The following SAMD5 variants were observed in gnomAD, a reference collection of about 807,000 sequenced individuals.
SAMD5 encodes sterile alpha motif domain containing 5, also known as sterile alpha motif domain-containing protein 5.
In SAMD5, 13 loss-of-function variants were observed where a neutral mutation model predicts 11.3. That is an observed-to-expected ratio of 1.15 (90% CI 0.75 to 1.83). SAMD5 has a LOEUF of 1.83. Among genes scored for constraint, SAMD5 ranks in the 40% most tolerant of loss-of-function variants. The pLI is 0.00. For missense variants in SAMD5, 255 were observed against 239.1 expected, an observed-to-expected ratio of 1.07 and a Z score of -0.44; for synonymous variants, 129 against 111.3, an observed-to-expected ratio of 1.16 and a Z score of -1.00.
rs1789053918 is a variant in SAMD5 at position 147,567,101 on chromosome 6, G to A, written c.*2645G>A. 6 of 981,100 alleles carry A rather than the reference G, an allele frequency of 6.1e-6. No individual in the cohort carries two copies. In the South Asian group the frequency reaches 2.8e-4, roughly 46 times the overall value. 60.8% of individuals were successfully genotyped at this position (981,100 alleles called of 1,614,324 possible). A position where few individuals can be genotyped will look rare whatever the true frequency, so the allele number is the denominator to read the frequency against. On this transcript the variant is annotated 3_prime_UTR_variant, in exon 2 of 2. Transcript: ENST00000367474. Reference sequence around the variant, plus strand: ...ATATTGAGGAGTCTGGAGGGTCATAGCAAAATTTTCTTTAGTTCATCTTAA... The same window carrying A: ...ATATTGAGGAGTCTGGAGGGTCATAACAAAATTTTCTTTAGTTCATCTTAA...
At chr6:147,636,197 G>A (rs1238553065) in intron 1 of SAMD5, among the ~76,000 whole-genome samples, 1 of 152,170 alleles carries the variant, frequency 6.6e-6, no homozygotes, top group African/African-American at 2.4e-5. Flanking sequence ...GCAGGCCACT[G>A]TATCTATGCT....
chr6:147,554,731 C>A lies in SAMD5; in HGVS notation c.460-9663C>A, dbSNP rs74977137. 2.8e-3 allele frequency among the ~76,000 whole-genome samples: 429 copies of A among 152,196 alleles called. 1 individual carries two copies. Among genetic ancestry groups the A allele is most frequent in the African/African-American group, 9.8e-3 (409 of 41,536 alleles). ...GAGAGCCAGAAGGGTGAATGTGGAG[C>A]GATTGCTAGGATGGAGCTATCATTT... On this transcript the variant is annotated intron_variant, in intron 1 of 1. Transcript: ENST00000367474.
downstream of SAMD5, among the ~76,000 whole-genome samples, chr6:147,574,534 G>A (rs1294688693): frequency 1.3e-5 from 2 of 152,218 alleles, no homozygotes; most frequent in Non-Finnish European, 2.9e-5. Context: ...GAGGGTTGAG[G>A]AGACCAGATG....
chr6:147,812,255 G>T, the SAMD5 span, among the ~76,000 whole-genome samples: 1 of 152,184 alleles, frequency 6.6e-6, no homozygotes, highest in African/African-American at 2.4e-5. Flanking sequence ...AGGAATGAAT[G>T]TTGGAGGAAA....
At position 147,711,878 on chromosome 6, in the gene SAMD5, C is replaced by CTA. The variant is rs1791405671; in HGVS notation, c.163-25437_163-25436dup. On this transcript the variant is annotated intron_variant, in intron 1 of 1. Coordinates refer to the SAMD5 transcript ENST00000566741. The surrounding 1 kb of genome is among the most constrained non-coding windows in gnomAD (Gnocchi z 4.1). ...GCTAATTGCTTGCCAATCGAAAGCC[C>CTA]TATTTACATAAACACCAGGGGCCCA... Among the ~76,000 whole-genome samples, 1 of 152,120 alleles carries CTA rather than the reference C, an allele frequency of 6.6e-6. No individual in the cohort carries two copies. The highest frequency in any genetic ancestry group is 2.4e-5 in the African/African-American group (1 of 41,418).
rs1789102335 is a variant in SAMD5, at chr6:147,569,486, A to G, written c.*5030A>G. On this transcript the variant is annotated 3_prime_UTR_variant, in exon 2 of 2. Coordinates refer to ENST00000367474, the MANE Select transcript of SAMD5 (RefSeq NM_001030060.3). The stretch of plus-strand genomic sequence containing the variant: ...AATCTACAATAAATCTACTTTCTAA[A>G]TATTATTTAAGATGGGAAATGTCTT... 4 of 900,626 alleles carry G rather than the reference A, an allele frequency of 4.4e-6. No individual in the cohort carries two copies. Among genetic ancestry groups the G allele is most frequent in the East Asian group, 1.2e-4 (1 of 8,408 alleles). 55.8% of individuals were successfully genotyped at this position (900,626 alleles called of 1,614,324 possible). A position where few individuals can be genotyped will look rare whatever the true frequency, so the allele number is the denominator to read the frequency against.
intron 1 of SAMD5, among the ~76,000 whole-genome samples, chr6:147,620,326 CT>C (rs1258238532): frequency 2.0e-5 from 3 of 152,216 alleles, no homozygotes; most frequent in African/African-American, 7.2e-5. Context: ...TGGCCCCAGC[CT>C]TACTCCCGTA....
At chr6:147,691,115 C>T (rs898379234) in intron 1 of SAMD5, among the ~76,000 whole-genome samples, 2 of 152,146 alleles carry the variant, frequency 1.3e-5, no homozygotes, top group Non-Finnish European at 2.9e-5. Flanking sequence ...CTGCCTCAGC[C>T]TCCTGAGTAG....
At chr6:147,527,705 G>C (rs911480167) in intron 1 of SAMD5, among the ~76,000 whole-genome samples, 3 of 152,134 alleles carry the variant, frequency 2.0e-5, no homozygotes, top group African/African-American at 4.8e-5. Flanking sequence ...TCTCAGACAA[G>C]GCTAGTCCCT....
intron 1 of SAMD5, among the ~76,000 whole-genome samples, chr6:147,541,559 CAG>C (rs920659967): frequency 6.6e-6 from 1 of 152,112 alleles, no homozygotes; most frequent in African/African-American, 2.4e-5. Context: ...GATAGTTACC[CAG>C]AGAGACAGGC....
chr6:147,843,144 G>A, the SAMD5 span, among the ~76,000 whole-genome samples: 4 of 152,156 alleles, frequency 2.6e-5, no homozygotes, highest in African/African-American at 4.8e-5. Flanking sequence ...GATTACAGGC[G>A]TGAGCCACTG....
At chr6:147,907,187 G>T in the SAMD5 span, among the ~76,000 whole-genome samples, 1 of 152,182 alleles carries the variant, frequency 6.6e-6, no homozygotes, top group Non-Finnish European at 1.5e-5. Context: ...CAATTGAGGT[G>T]GTTTCCCACT....
chr6:147,782,083 C>A, the SAMD5 span, among the ~76,000 whole-genome samples: 2 of 151,452 alleles, frequency 1.3e-5, no homozygotes, highest in East Asian at 3.9e-4. Flanking sequence ...GCAATACATT[C>A]CAGTTTAACC....
chr6:147,574,204 TA>T (rs567769286), downstream of SAMD5, among the ~76,000 whole-genome samples: 1,445 of 149,026 alleles, frequency 9.7e-3, 15 homozygotes, highest in Middle Eastern at 0.028. Flanking sequence ...TTGCCAACAC[TA>T]AAAAAAAAAT....
intron 1 of SAMD5, among the ~76,000 whole-genome samples, chr6:147,640,047 G>C (rs73587497): frequency 0.034 from 5,153 of 152,222 alleles, 304 homozygotes; most frequent in African/African-American, 0.12. Context: ...AAGAATGACG[G>C]CTGGGCGCGG....
the SAMD5 span, among the ~76,000 whole-genome samples, chr6:147,789,242 A>G: frequency 3.3e-5 from 5 of 151,638 alleles, no homozygotes; most frequent in African/African-American, 9.7e-5. Context: ...ACTGAACTGC[A>G]GCCTGGACGA....
At chr6:147,578,838 C>T (rs1789255340) in intron 1 of SAMD5, among the ~76,000 whole-genome samples, 1 of 151,526 alleles carries the variant, frequency 6.6e-6, no homozygotes, top group East Asian at 1.9e-4. Flanking sequence ...ATGAAACACA[C>T]TGCTTCAAAG....
At chr6:147,872,051 T>G in the SAMD5 span, among the ~76,000 whole-genome samples, 32 of 152,330 alleles carry the variant, frequency 2.1e-4, no homozygotes, top group African/African-American at 7.0e-4. Context: ...ATTTCTCCAG[T>G]TTGCAACAAC....
chr6:147,626,700 T>C (rs1006078294), intron 1 of SAMD5, among the ~76,000 whole-genome samples: 1 of 147,126 alleles, frequency 6.8e-6, no homozygotes, highest in Middle Eastern at 3.6e-3. Context: ...TTCTCTGTAA[T>C]CTCAGCACTT....
Sources: allele counts gnomAD v4.1 joint callset (sites outside exome capture counted in the v4.1 genomes callset), GRCh38; gene constraint gnomAD v4.1.1; non-coding constraint Gnocchi (gnomAD v3.1); transcripts MANE v1.5; gene names NCBI Gene and HGNC (gene_info 2026-07-23, HGNC 2026-07-21).